ADAMTS2: variants seen among roughly 807,000 people sequenced by gnomAD.
ADAMTS2 encodes the protein A disintegrin and metalloproteinase with thrombospondin motifs 2.
Under a neutral mutation model 123.0 loss-of-function variants are expected in ADAMTS2, and 50 were observed. That is an observed-to-expected ratio of 0.41 (90% CI 0.32 to 0.51). ADAMTS2 has a LOEUF of 0.51. Among genes scored for constraint, ADAMTS2 ranks in the 20% least tolerant of loss-of-function variants. The probability of loss-of-function intolerance (pLI) is 0.35; values close to 1 mark genes in which losing one functional copy is unlikely to be tolerated. For synonymous variants in ADAMTS2, 678 were observed against 695.4 expected, an observed-to-expected ratio of 0.98 and a Z score of 0.39; for missense variants, 1,494 against 1,705.2, an observed-to-expected ratio of 0.88 and a Z score of 2.18.
At chr5:179,334,072 C>A (rs528979084) in intron 2 of ADAMTS2, among the ~76,000 whole-genome samples, 13 of 152,210 alleles carry the variant, frequency 8.5e-5, no homozygotes, top group African/African-American at 2.9e-4. Flanking sequence ...AGGGATTGCT[C>A]CAGAGAAACT....
Position 179,225,429 on chromosome 5 carries a change from G to A in ADAMTS2, c.689-17714C>T, listed in dbSNP as rs1475129115. ...GGGCTCCACCCTCACGGACCTATGT[G>A]AGGACAGGCACTCTTGCCTTTGTGC... On this transcript the variant is annotated intron_variant, in intron 3 of 21. Transcript: ENST00000251582. This position sits in a 1 kb window ranked among gnomAD's most constrained non-coding sequence, Gnocchi z 4.5. 2.0e-5 allele frequency among the ~76,000 whole-genome samples: 3 copies of A among 152,168 alleles called. No individual in the cohort carries two copies. Among genetic ancestry groups the A allele is most frequent in the South Asian group, 2.1e-4 (1 of 4,826 alleles).
rs1445021030 is a variant in ADAMTS2 at position 179,208,173 on chromosome 5, T to G, written c.689-458A>C. 3.6e-4 allele frequency among the ~76,000 whole-genome samples: 54 copies of G among 151,174 alleles called. 3 individuals carry two copies. Among genetic ancestry groups the G allele is most frequent in the South Asian group, 6.3e-4 (3 of 4,784 alleles). On this transcript the variant is annotated intron_variant, in intron 3 of 21. Coordinates refer to ENST00000251582, the MANE Select transcript of ADAMTS2 (RefSeq NM_014244.5). ...TTGCCCACACTGCCCGATGCTGGAG[T>G]GGGTAGAGCCACCTCTTCTCCCCCG...
At chr5:179,281,542 A>G (rs1187403747) in intron 2 of ADAMTS2, among the ~76,000 whole-genome samples, 2 of 152,228 alleles carry the variant, frequency 1.3e-5, no homozygotes, top group Admixed American at 1.3e-4. Context: ...TTATTGTCAA[A>G]TAATACCCCA....
intron 3 of ADAMTS2, among the ~76,000 whole-genome samples, chr5:179,229,037 G>C: frequency 6.6e-6 from 1 of 152,084 alleles, no homozygotes. Context: ...ACCTCGGTCA[G>C]GCACCTCCAG....
At chr5:179,168,855 C>A (rs536010647) in intron 5 of ADAMTS2, among the ~76,000 whole-genome samples, 1 of 152,186 alleles carries the variant, frequency 6.6e-6, no homozygotes, top group African/African-American at 2.4e-5. Context: ...AATCTCATCA[C>A]GACAGAGAAC....
At chr5:179,153,371 G>C (rs1275835437) in intron 9 of ADAMTS2, 120 bp downstream of exon 9, 2 of 1,484,724 alleles carry the variant, frequency 1.3e-6, no homozygotes, top group Non-Finnish European at 1.8e-6. Flanking sequence ...TGCCACTCTG[G>C]AGGGCCGCTC....
rs1766179187 is a variant in ADAMTS2 at position 179,260,186 on chromosome 5, CTG to C, written c.688+12723_688+12724del. ...CCAACCTGAGTCTGCAGCCCTGACA[CTG>C]TGGCAACAACAGGAGGCGTCAGTGC... On this transcript the variant is annotated intron_variant, in intron 3 of 21. Coordinates refer to ENST00000251582, the MANE Select transcript of ADAMTS2 (RefSeq NM_014244.5). The surrounding 1 kb of genome is among the most constrained non-coding windows in gnomAD (Gnocchi z 4.2). 6.6e-6 allele frequency among the ~76,000 whole-genome samples: 1 copy of C among 152,190 alleles called. No individual in the cohort carries two copies. The highest frequency in any genetic ancestry group is 6.5e-5 in the Admixed American group (1 of 15,284).
chr5:179,192,167 A>C (rs1764319819), intron 4 of ADAMTS2, among the ~76,000 whole-genome samples: 1 of 152,182 alleles, frequency 6.6e-6, no homozygotes, highest in Non-Finnish European at 1.5e-5. Context: ...CTGAGAAGGC[A>C]TGACAGAGGG....
chr5:179,269,451 C>A (rs1170675359), intron 3 of ADAMTS2, among the ~76,000 whole-genome samples: 1 of 152,158 alleles, frequency 6.6e-6, no homozygotes, highest in Non-Finnish European at 1.5e-5. Flanking sequence ...CACATGGCAG[C>A]AGCCGAGAGA....
rs539163976 is a variant in ADAMTS2, at chr5:179,218,255, G to A, written c.689-10540C>T. On this transcript the variant is annotated intron_variant, in intron 3 of 21. Transcript: ENST00000251582. Reference sequence around the variant, plus strand: ...CCAGCAGCCTCTCCTCCAACATGAGGAGCCCCACCCAGGGGAGGTCAACGG... The same window carrying A: ...CCAGCAGCCTCTCCTCCAACATGAGAAGCCCCACCCAGGGGAGGTCAACGG... 5.3e-5 allele frequency among the ~76,000 whole-genome samples: 8 copies of A among 152,336 alleles called. No homozygotes were observed. The East Asian group carries it at 5.8e-4, about 11-fold the overall frequency.
intron 3 of ADAMTS2, among the ~76,000 whole-genome samples, chr5:179,249,009 C>T (rs779326446): frequency 2.0e-5 from 3 of 152,080 alleles, no homozygotes; most frequent in Admixed American, 6.5e-5. Flanking sequence ...TCTCAATAAC[C>T]TTAAAGAGAC....
rs1765251203 is a variant in ADAMTS2 at position 179,225,164 on chromosome 5, C to A, written c.689-17449G>T. ...AACACTCAGCACGCACCAGGCTCCT[C>A]CTCCCTCTCATGGACTCTCAATTCA... is the stretch of plus-strand genomic sequence containing the variant. On this transcript the variant is annotated intron_variant, in intron 3 of 21. Transcript: ENST00000251582. The surrounding 1 kb of genome is among the most constrained non-coding windows in gnomAD (Gnocchi z 4.5). Among the ~76,000 whole-genome samples the A allele has an allele frequency of 2.0e-5, 3 of 152,206 alleles. No homozygotes were observed. The highest frequency in any genetic ancestry group is 2.0e-4 in the Admixed American group (3 of 15,290).
At position 179,132,383 on chromosome 5, in the gene ADAMTS2, G is replaced by C; in HGVS notation, c.2210-73C>G. The C allele has an allele frequency of 2.1e-6, 3 of 1,440,140 alleles. No individual in the cohort carries two copies. Among genetic ancestry groups the C allele is most frequent in the Non-Finnish European group, 2.9e-6 (3 of 1,031,350 alleles). The allele number at this position is 1,440,140 out of a possible 1,614,324, so 89.2% of individuals were successfully genotyped here. On this transcript the variant is annotated intron_variant, in intron 14 of 21. Transcript: ENST00000251582. This position sits in a 1 kb window ranked among gnomAD's most constrained non-coding sequence, Gnocchi z 6.1. Reference sequence around the variant, plus strand: ...GCTCAAATTCGCACCATGCAAGGAGGGGCCTCGCTCTTGAAGGCAGCTCCT... The same window carrying C: ...GCTCAAATTCGCACCATGCAAGGAGCGGCCTCGCTCTTGAAGGCAGCTCCT...
rs67971900 is a variant in ADAMTS2, at chr5:179,134,731, AGCTCCAGCTCCAGCTCCCG to A, written c.2085+1159_2085+1177del. 3.1e-3 allele frequency among the ~76,000 whole-genome samples: 460 copies of A among 148,710 alleles called. 4 individuals are homozygous for A. Among genetic ancestry groups the A allele is most frequent in the African/African-American group, 0.01 (413 of 39,980 alleles). ...AGCCCTCGAGCACCCTCCCGGCTCCAGCTCCAGCTCCAGCTCCCGGCTCCAGCTCCAGCTCCCGGCTCCA... is the reference window on the plus strand; with the variant it reads ...AGCCCTCGAGCACCCTCCCGGCTCCAGCTCCAGCTCCAGCTCCCGGCTCCA... On this transcript the variant is annotated intron_variant, in intron 13 of 21. Coordinates refer to ENST00000251582, the MANE Select transcript of ADAMTS2 (RefSeq NM_014244.5).
In ADAMTS2 at chr5:179,344,191, G is replaced by C. The variant is rs183394475; in HGVS notation, c.140-30C>G. ...AACGGGAAGGGGCGTTAGATCGGCG[G>C]AGACCACGGAGCCCCAGTGCCTCAG... On this transcript the variant is annotated intron_variant, in intron 1 of 21. Coordinates refer to ENST00000251582, the MANE Select transcript of ADAMTS2 (RefSeq NM_014244.5). The C allele has an allele frequency of 2.0e-5, 31 of 1,557,724 alleles. No homozygotes were observed. The East Asian group carries it at 4.2e-4, about 21-fold the overall frequency.
At position 179,217,363 on chromosome 5, in the gene ADAMTS2, C is replaced by T. The variant is rs114019021; in HGVS notation, c.689-9648G>A. Among the ~76,000 whole-genome samples, 342 of 152,312 alleles carry T rather than the reference C, an allele frequency of 2.2e-3. 1 individual carries two copies. Among genetic ancestry groups the T allele is most frequent in the African/African-American group, 7.3e-3 (303 of 41,558 alleles). On this transcript the variant is annotated intron_variant, in intron 3 of 21. Transcript: ENST00000251582. The stretch of plus-strand genomic sequence containing the variant: ...AAAAATGTACACTAAGGAAAGGATA[C>T]GGTTTGATCACCTGAAATGGTTGCT...
At chr5:179,302,997 C>T (rs1467949947) in intron 2 of ADAMTS2, among the ~76,000 whole-genome samples, 1 of 125,806 alleles carries the variant, frequency 7.9e-6, no homozygotes, top group African/African-American at 2.9e-5. Flanking sequence ...AGTGGTGGGC[C>T]TGGGTGGGGT....
intron 2 of ADAMTS2, among the ~76,000 whole-genome samples, chr5:179,276,886 T>C (rs1766711896): frequency 6.6e-6 from 1 of 152,128 alleles, no homozygotes. Context: ...TGGAGGGACC[T>C]AGTGTGACAA....
intron 3 of ADAMTS2, among the ~76,000 whole-genome samples, chr5:179,231,460 G>A (rs1452422234): frequency 1.3e-5 from 2 of 152,206 alleles, no homozygotes; most frequent in Non-Finnish European, 2.9e-5. Flanking sequence ...AACCGTGGGA[G>A]AAGACGAGTG....
Sources: allele counts gnomAD v4.1 joint callset (sites outside exome capture counted in the v4.1 genomes callset), GRCh38; gene constraint gnomAD v4.1.1; non-coding constraint Gnocchi (gnomAD v3.1); transcripts MANE v1.5; gene names NCBI Gene and HGNC (gene_info 2026-07-23, HGNC 2026-07-21).